Variants in PLCH1 observed in about 807,000 individuals in gnomAD.
The protein encoded by PLCH1 is phospholipase C eta 1.
In PLCH1, 60 loss-of-function variants were observed where a neutral mutation model predicts 126.7. That is an observed-to-expected ratio of 0.47 (90% confidence interval 0.38 to 0.59). PLCH1 has a LOEUF of 0.59. PLCH1 is among the 20% of genes least tolerant of loss of function. The pLI, the probability that PLCH1 is intolerant of heterozygous loss-of-function variation, is 0.00. For synonymous variants in PLCH1, 719 were observed against 734.9 expected (o/e 0.98, Z 0.35); for missense variants, 1,723 against 2,040.0 (o/e 0.84, Z 2.99).
chr3:155,572,821 A>G (rs78059748), intron 6 of PLCH1, among the ~76,000 whole-genome samples: 8,724 of 152,110 alleles, frequency 0.057, 286 homozygotes, highest in Middle Eastern at 0.1. Flanking sequence ...CAAATCCTGG[A>G]ATCAAGTGAT....
chr3:155,642,280 T>C, intron 2 of PLCH1, among the ~76,000 whole-genome samples: 1 of 152,212 alleles, frequency 6.6e-6, no homozygotes, highest in Admixed American at 6.5e-5. Flanking sequence ...TAGATGTTAC[T>C]TTAAATTAAA....
At chr3:155,542,834 G>T (rs1012327978) in intron 10 of PLCH1, among the ~76,000 whole-genome samples, 1 of 152,126 alleles carries the variant, frequency 6.6e-6, no homozygotes, top group African/African-American at 2.4e-5. Context: ...GGTCCTGTCT[G>T]TTAGAAGGAA....
chr3:155,533,623 A>C (rs865868460), intron 10 of PLCH1, among the ~76,000 whole-genome samples: 1 of 152,232 alleles, frequency 6.6e-6, no homozygotes, highest in Non-Finnish European at 1.5e-5. Flanking sequence ...TGCATAAGTA[A>C]AATGGAGCTG....
intron 1 of PLCH1, among the ~76,000 whole-genome samples, chr3:155,737,312 G>A (rs192254022): frequency 3.5e-5 from 5 of 142,826 alleles, no homozygotes; most frequent in Admixed American, 7.1e-5. Context: ...CTTAATTCTT[G>A]TGTATCCTTC....
At chr3:155,492,438 G>T (rs1274047460) in intron 18 of PLCH1, among the ~76,000 whole-genome samples, 1 of 152,146 alleles carries the variant, frequency 6.6e-6, no homozygotes, top group Non-Finnish European at 1.5e-5. Flanking sequence ...ATACTCTTAG[G>T]TGTTGTTCTG....
chr3:155,695,353 G>A (rs1046203524), intron 2 of PLCH1, among the ~76,000 whole-genome samples: 1 of 152,154 alleles, frequency 6.6e-6, no homozygotes, highest in Non-Finnish European at 1.5e-5. Flanking sequence ...TCTCAGCAAG[G>A]ATGGTTTATG....
downstream of PLCH1, among the ~76,000 whole-genome samples, chr3:155,478,482 A>C (rs1386991630): frequency 6.6e-6 from 1 of 152,160 alleles, no homozygotes; most frequent in Non-Finnish European, 1.5e-5. Context: ...TGCTTATTTC[A>C]CATTGCATGC....
intron 2 of PLCH1, among the ~76,000 whole-genome samples, chr3:155,625,360 A>G (rs1206490605): frequency 6.6e-6 from 1 of 152,212 alleles, no homozygotes; most frequent in Non-Finnish European, 1.5e-5. Context: ...AAAACACCAA[A>G]AGCAATGACA....
intron 9 of PLCH1, among the ~76,000 whole-genome samples, 189 bp from the exon 10 acceptor site, chr3:155,550,147 A>G (rs1321164300): frequency 6.6e-6 from 1 of 152,244 alleles, no homozygotes; most frequent in African/African-American, 2.4e-5. Context: ...GAGCAAATAT[A>G]CTTTGCTAAG....
chr3:155,588,204 T>G (rs961532651), intron 4 of PLCH1, among the ~76,000 whole-genome samples: 21 of 152,236 alleles, frequency 1.4e-4, no homozygotes, highest in African/African-American at 5.1e-4. Flanking sequence ...TCATATTTTT[T>G]CCCTTTAAAA....
chr3:155,554,753 G>A (rs1378819545), intron 8 of PLCH1, among the ~76,000 whole-genome samples: 1 of 152,176 alleles, frequency 6.6e-6, no homozygotes, highest in Non-Finnish European at 1.5e-5. Context: ...AGATTTATGT[G>A]AATTTGGGCA....
Position 155,591,227 on chromosome 3 carries a change from C to T in PLCH1, c.470+2714G>A, listed in dbSNP as rs2108631106. On this transcript the variant is annotated intron_variant, in intron 4 of 22. Coordinates refer to ENST00000460012, the MANE Select transcript of PLCH1 (RefSeq NM_014996.4). The stretch of plus-strand genomic sequence containing the variant: ...TAGAAGCTTCTGGATTTGGTTGCTT[C>T]CCCATGGCCACTGCTCTTCCTTCTT... 1.3e-5 allele frequency among the ~76,000 whole-genome samples: 2 copies of T among 152,298 alleles called. 1 individual carries two copies. The highest frequency in any genetic ancestry group is 3.9e-4 in the East Asian group (2 of 5,184).
intron 2 of PLCH1, among the ~76,000 whole-genome samples, chr3:155,649,815 A>G (rs1307262562): frequency 6.6e-6 from 1 of 152,114 alleles, no homozygotes; most frequent in Non-Finnish European, 1.5e-5. Context: ...TGTCTCTACT[A>G]AAAATACAAA....
Position 155,591,061 on chromosome 3 carries a change from C to T in PLCH1, c.470+2880G>A, listed in dbSNP as rs553946515. Among the ~76,000 whole-genome samples, 14 of 152,228 alleles carry T rather than the reference C, an allele frequency of 9.2e-5. No individual in the cohort carries two copies. In the South Asian group the frequency reaches 2.9e-3, roughly 32 times the overall value. ...GCCAGTAAACGTGGACAATCAGGTT[C>T]GAAAACTTTTAACCAACAAAGCAAA... is the stretch of plus-strand genomic sequence containing the variant. On this transcript the variant is annotated intron_variant, in intron 4 of 22. Transcript: ENST00000460012.
At chr3:155,667,182 T>G (rs1305225029) in intron 2 of PLCH1, among the ~76,000 whole-genome samples, 1 of 152,146 alleles carries the variant, frequency 6.6e-6, no homozygotes, top group Non-Finnish European at 1.5e-5. Flanking sequence ...GCTCAGCCAC[T>G]ATTAGAACTT....
chr3:155,724,666 G>C (rs1299388768), intron 1 of PLCH1, among the ~76,000 whole-genome samples: 3 of 152,074 alleles, frequency 2.0e-5, no homozygotes, highest in South Asian at 2.1e-4. Context: ...GAAGGCAGGG[G>C]ATAGTTAGTT....
At chr3:155,491,339 T>G (rs564981191) in intron 18 of PLCH1, among the ~76,000 whole-genome samples, 1 of 152,158 alleles carries the variant, frequency 6.6e-6, no homozygotes, top group East Asian at 1.9e-4. Flanking sequence ...TCTTAGCTCA[T>G]GGCAGCCTCC....
At chr3:155,738,542 G>A (rs1220578111) in intron 1 of PLCH1, among the ~76,000 whole-genome samples, 3 of 152,060 alleles carry the variant, frequency 2.0e-5, no homozygotes, top group African/African-American at 7.3e-5. Flanking sequence ...CCAGCACTGC[G>A]GGAGGCCGAG....
chr3:155,739,738 G>A (rs560546447), intron 1 of PLCH1, among the ~76,000 whole-genome samples: 1 of 152,346 alleles, frequency 6.6e-6, no homozygotes, highest in South Asian at 2.1e-4. Context: ...CAAATTCCAA[G>A]TCTGTTCCAC....
Sources: gnomAD v4.1 joint callset for allele counts (sites outside exome capture counted in the v4.1 genomes callset) on GRCh38, gnomAD v4.1.1 for gene constraint, MANE v1.5 for transcripts, NCBI Gene and HGNC (gene_info 2026-07-23, HGNC 2026-07-21) for gene names.